The following CD2AP variants were observed in gnomAD, a reference collection of about 807,000 sequenced individuals.
CD2AP encodes the protein CD2-associated protein.
In CD2AP, 46 loss-of-function variants were observed where a neutral mutation model predicts 85.1. The observed-to-expected ratio is 0.54, with a 90% CI of 0.43 to 0.69. The LOEUF is 0.69. CD2AP is among the 30% of genes least tolerant of loss of function. The pLI is 0.00. For synonymous variants in CD2AP, 255 were observed against 252.9 expected (o/e 1.01, Z -0.08); for missense variants, 769 against 729.5 (o/e 1.05, Z -0.62).
intron 2 of CD2AP, among the ~76,000 whole-genome samples, chr6:47,511,575 G>A (rs1043008766): frequency 3.9e-5 from 6 of 152,124 alleles, no homozygotes; most frequent in Non-Finnish European, 7.4e-5. Context: ...TTAACATTAG[G>A]CAAAACTGAA....
At chr6:47,485,877 A>G (rs1406161173) in intron 1 of CD2AP, among the ~76,000 whole-genome samples, 2 of 152,208 alleles carry the variant, frequency 1.3e-5, no homozygotes, top group Non-Finnish European at 2.9e-5. Flanking sequence ...CCTAGGAGCA[A>G]TAGGCTATAC....
chr6:47,495,344 A>G (rs1362329890), intron 1 of CD2AP, among the ~76,000 whole-genome samples: 1 of 152,160 alleles, frequency 6.6e-6, no homozygotes, highest in African/African-American at 2.4e-5. Context: ...TTACGTAAGC[A>G]AAGGAACACT....
chr6:47,546,933 TAAATG>T (rs1165583141), intron 4 of CD2AP, among the ~76,000 whole-genome samples: 2 of 152,148 alleles, frequency 1.3e-5, no homozygotes, highest in Non-Finnish European at 2.9e-5. Flanking sequence ...CTTAGCTTCA[TAAATG>T]AAGGAAACAT....
intron 17 of CD2AP, among the ~76,000 whole-genome samples, chr6:47,622,919 T>C (rs1442966415): frequency 1.3e-5 from 2 of 152,222 alleles, no homozygotes; most frequent in Non-Finnish European, 2.9e-5. Flanking sequence ...ACAAGAAGTA[T>C]TGCTGATTAT....
chr6:47,518,484 G>C (rs1011080483), intron 2 of CD2AP, among the ~76,000 whole-genome samples: 1 of 151,986 alleles, frequency 6.6e-6, no homozygotes, highest in Admixed American at 6.6e-5. Context: ...TTTTGTGTCT[G>C]CTCTCCTTTG....
intron 5 of CD2AP, chr6:47,562,483 T>C (rs1245339348): frequency 5.0e-6 from 1 of 200,962 alleles, no homozygotes; most frequent in African/African-American, 2.3e-5. Context: ...TTTCAGTTAA[T>C]TATAGTAATA....
At chr6:47,589,963 T>A (rs558557913) in intron 11 of CD2AP, among the ~76,000 whole-genome samples, 2 of 152,290 alleles carry the variant, frequency 1.3e-5, no homozygotes, top group South Asian at 4.1e-4. Context: ...CTGGGATTTT[T>A]ACTATCCCTA....
chr6:47,510,213 T>C (rs1170623503), intron 2 of CD2AP, among the ~76,000 whole-genome samples: 1 of 152,158 alleles, frequency 6.6e-6, no homozygotes, highest in Non-Finnish European at 1.5e-5. Flanking sequence ...GATACAGGAA[T>C]GGTTTTGTAT....
chr6:47,614,876 C>T (rs1769539139), intron 17 of CD2AP, among the ~76,000 whole-genome samples: 1 of 152,174 alleles, frequency 6.6e-6, no homozygotes, highest in Admixed American at 6.5e-5. Flanking sequence ...TTCACTGCCT[C>T]CCATTTAAAC....
At chr6:47,490,072 GT>G in intron 1 of CD2AP, among the ~76,000 whole-genome samples, 1 of 151,550 alleles carries the variant, frequency 6.6e-6, no homozygotes, top group East Asian at 1.9e-4. Flanking sequence ...ACCTCCTGGG[GT>G]CAAGTAATCC....
intron 5 of CD2AP, among the ~76,000 whole-genome samples, chr6:47,558,792 G>A (rs1484006849): frequency 6.6e-6 from 1 of 151,978 alleles, no homozygotes; most frequent in Non-Finnish European, 1.5e-5. Flanking sequence ...TCTTTTTTTT[G>A]TTGTGTCCGT....
intron 11 of CD2AP, chr6:47,582,405 C>A: frequency 5.2e-6 from 1 of 191,508 alleles, no homozygotes; most frequent in Non-Finnish European, 1.1e-5. Context: ...CCAGTTCCTA[C>A]TTAAGCATGA....
intron 17 of CD2AP, among the ~76,000 whole-genome samples, chr6:47,621,492 G>C (rs372781772): frequency 6.6e-6 from 1 of 152,144 alleles, no homozygotes; most frequent in Admixed American, 6.6e-5. Flanking sequence ...AAAGATACTG[G>C]TCTGTAGTTT....
rs1400482257 is a variant in CD2AP at position 47,624,703 on chromosome 6, GTGTGTGTGTGTGTGTGTGTA to G, written c.*478_*497del. The stretch of plus-strand genomic sequence containing the variant: ...TCTGTGTGTGTGTGTGTGTGTGTGT[GTGTGTGTGTGTGTGTGTGTA>G]TATATATATATATATTTTTACTTTT... On this transcript the variant is annotated 3_prime_UTR_variant, in exon 18 of 18. Coordinates refer to ENST00000359314, the MANE Select transcript of CD2AP (RefSeq NM_012120.3). 2 of 137,160 alleles carry G rather than the reference GTGTGTGTGTGTGTGTGTGTA, an allele frequency of 1.5e-5. No individual in the cohort carries two copies. The highest frequency in any genetic ancestry group is 5.4e-5 in the African/African-American group (2 of 37,184). 8.5% of individuals were successfully genotyped at this position (137,160 alleles called of 1,614,324 possible).
chr6:47,554,791 A>G, intron 5 of CD2AP, 25 bp downstream of exon 5: 1 of 1,566,050 alleles, frequency 6.4e-7, no homozygotes. Flanking sequence ...AAAATTTTTA[A>G]TTGATTTAAA....
chr6:47,620,553 A>T (rs887714293), intron 17 of CD2AP, among the ~76,000 whole-genome samples: 16 of 152,132 alleles, frequency 1.1e-4, no homozygotes, highest in Middle Eastern at 3.2e-3. Context: ...TTCCTAATGA[A>T]TTTTAGAATT....
chr6:47,508,412 C>T (rs1464930828), intron 2 of CD2AP, among the ~76,000 whole-genome samples: 1 of 152,214 alleles, frequency 6.6e-6, no homozygotes, highest in African/African-American at 2.4e-5. Flanking sequence ...TCTTCTGCAA[C>T]TTCCTGACCT....
chr6:47,548,105 T>C (rs1174366354), intron 4 of CD2AP, among the ~76,000 whole-genome samples: 1 of 151,922 alleles, frequency 6.6e-6, no homozygotes, highest in Non-Finnish European at 1.5e-5. Context: ...CATCAAAGAC[T>C]GTGAAAGAGC....
chr6:47,608,915 G>A (rs1377256600), intron 15 of CD2AP, among the ~76,000 whole-genome samples: 6 of 151,762 alleles, frequency 4.0e-5, no homozygotes, highest in Non-Finnish European at 8.8e-5. Context: ...TAATAAAATT[G>A]TCATTTTCTA....
Sources: allele counts gnomAD v4.1 joint callset (sites outside exome capture counted in the v4.1 genomes callset), GRCh38; gene constraint gnomAD v4.1.1; transcripts MANE v1.5; gene names NCBI Gene and HGNC (gene_info 2026-07-23, HGNC 2026-07-21).